PTPRS: variants seen among roughly 807,000 people sequenced by gnomAD.
PTPRS encodes protein tyrosine phosphatase receptor type S, also known as receptor-type tyrosine-protein phosphatase S.
PTPRS carries 63 observed loss-of-function variants against 215.3 expected under a neutral mutation model. The observed-to-expected ratio is 0.29, with a 90% confidence interval of 0.24 to 0.36. The LOEUF is 0.36. Ranked by LOEUF, PTPRS falls within the 10% of genes least tolerant of loss-of-function variation. The pLI, the probability that PTPRS is intolerant of heterozygous loss-of-function variation, is 1.00. For missense variants in PTPRS, 2,258 were observed against 2,825.8 expected, an observed-to-expected ratio of 0.80 and a Z score of 4.56; for synonymous variants, 1,404 against 1,191.4, an observed-to-expected ratio of 1.18 and a Z score of -3.68.
chr19:5,221,258 G>A lies in PTPRS; in HGVS notation c.3202-5C>T, dbSNP rs771986221. The A allele has an allele frequency of 3.0e-5, 48 of 1,609,310 alleles. No individual in the cohort carries two copies. The highest frequency in any genetic ancestry group is 5.0e-5 in the Admixed American group (3 of 59,680). ...TGTGAGCCCATTGTACTGGATCTGC[G>A]GACCAGGGCTAGCTCAGCAGGGCCT... On this transcript the variant is annotated splice_polypyrimidine_tract_variant and splice_region_variant and intron_variant, in intron 19 of 37. Coordinates refer to ENST00000262963, the MANE Select transcript of PTPRS (RefSeq NM_002850.4).
chr19:5,326,777 G>A (rs2050179243), intron 1 of PTPRS, among the ~76,000 whole-genome samples: 2 of 76,142 alleles, frequency 2.6e-5, no homozygotes, highest in Admixed American at 2.7e-4. Context: ...AAGAAGGGAA[G>A]AGAAGGAAGG....
chr19:5,224,052 G>A (rs1219074568), intron 17 of PTPRS, among the ~76,000 whole-genome samples: 1 of 151,966 alleles, frequency 6.6e-6, no homozygotes, highest in Non-Finnish European at 1.5e-5. Context: ...GGTGGTGCAC[G>A]CCTGTAATCC....
chr19:5,302,547 T>C (rs879625283), intron 1 of PTPRS, among the ~76,000 whole-genome samples: 5 of 152,222 alleles, frequency 3.3e-5, no homozygotes, highest in Admixed American at 3.3e-4. Context: ...CGCTGGATAC[T>C]GTTGCGAACA....
chr19:5,263,697 C>T (rs1436076634), intron 5 of PTPRS, among the ~76,000 whole-genome samples: 2 of 152,240 alleles, frequency 1.3e-5, no homozygotes, highest in African/African-American at 4.8e-5. Context: ...GACACATCCC[C>T]ACCACGTGTG....
At position 5,299,689 on chromosome 19, in the gene PTPRS, C is replaced by T. The variant is rs58371382; in HGVS notation, c.-94-13455G>A. ...GAGTTTGAGACCAACCTGGCCAACA[C>T]GGTGAAACCCCATCTCTACTAAAAA... On this transcript the variant is annotated intron_variant, in intron 1 of 37. Coordinates refer to ENST00000262963, the MANE Select transcript of PTPRS (RefSeq NM_002850.4). Among the ~76,000 whole-genome samples the T allele has an allele frequency of 7.4e-3, 1,122 of 151,782 alleles. 8 individuals carry two copies. Among genetic ancestry groups the T allele is most frequent in the African/African-American group, 0.024 (995 of 41,378 alleles).
chr19:5,261,928 C>A (rs1188906120), intron 6 of PTPRS, among the ~76,000 whole-genome samples: 5 of 152,196 alleles, frequency 3.3e-5, no homozygotes. Context: ...GAAATCCAGG[C>A]TGGCCTTTGC....
At chr19:5,301,029 C>G (rs2049287306) in intron 1 of PTPRS, among the ~76,000 whole-genome samples, 1 of 152,206 alleles carries the variant, frequency 6.6e-6, no homozygotes, top group Admixed American at 6.5e-5. Flanking sequence ...CATGGAAAGC[C>G]AGAAAGCAAA....
At chr19:5,245,558 G>A (rs2044412001) in intron 10 of PTPRS, among the ~76,000 whole-genome samples, 1 of 152,196 alleles carries the variant, frequency 6.6e-6, no homozygotes, top group African/African-American at 2.4e-5. Context: ...CTCCCAAAGT[G>A]CTGGGATTAC....
intron 1 of PTPRS, among the ~76,000 whole-genome samples, chr19:5,302,824 G>GACCA (rs2147099473): frequency 6.6e-6 from 1 of 151,484 alleles, no homozygotes; most frequent in Admixed American, 6.6e-5. Flanking sequence ...TTGGGAGGTT[G>GACCA]AGGCGGGCGG....
chr19:5,276,838 G>C (rs4807705), intron 2 of PTPRS, among the ~76,000 whole-genome samples: 117,830 of 152,160 alleles, frequency 0.77, 45,763 homozygotes, highest in Admixed American at 0.81. Context: ...CACCAGGCAG[G>C]TGAGTATGCC....
chr19:5,307,810 A>G (rs1359425711), intron 1 of PTPRS, among the ~76,000 whole-genome samples: 1 of 152,224 alleles, frequency 6.6e-6, no homozygotes, highest in Non-Finnish European at 1.5e-5. Flanking sequence ...CATTTTTATC[A>G]TCGCCATATC....
At chr19:5,317,760 C>A (rs192700346) in intron 1 of PTPRS, among the ~76,000 whole-genome samples, 1 of 152,248 alleles carries the variant, frequency 6.6e-6, no homozygotes, top group African/African-American at 2.4e-5. Context: ...TAGTAAGGGG[C>A]CAGGTGCAGT....
rs771853690 is a variant in PTPRS, at chr19:5,220,135, C to T, written c.3569G>A (p.Arg1190Gln). ...GTGCCGCAGGCTGCGCCTCTGTAGC[C>T]GTGAGATGTCCTGGATGAGCTGCGG... is the stretch of plus-strand genomic sequence containing the variant. Reference protein sequence around the residue: ...DLEELIQDISRLQRRSLRHSR... With the variant: ...DLEELIQDISQLQRRSLRHSR... Residue 1190 changes from arginine (R) to glutamine (Q), a missense_variant, in exon 22 of 38, where the codon CGG becomes CAG. Coordinates refer to ENST00000262963, the MANE Select transcript of PTPRS (RefSeq NM_002850.4). The T allele has an allele frequency of 9.9e-6, 16 of 1,612,060 alleles. No homozygotes were observed. The highest frequency in any genetic ancestry group is 1.3e-5 in the Non-Finnish European group (15 of 1,179,262).
Position 5,216,285 on chromosome 19 carries a change from G to A in PTPRS, c.4096+435C>T, listed in dbSNP as rs535019379. Among the ~76,000 whole-genome samples the A allele has an allele frequency of 2.1e-4, 32 of 152,186 alleles. 1 individual carries two copies. Among genetic ancestry groups the A allele is most frequent in the African/African-American group, 6.7e-4 (28 of 41,506 alleles). Reference sequence around the variant, plus strand: ...GGTGTGGGCTCGGTTCTCCCTTCCCGATATCTGGGTCTGCAGAACCCTGAC... The same window carrying A: ...GGTGTGGGCTCGGTTCTCCCTTCCCAATATCTGGGTCTGCAGAACCCTGAC... On this transcript the variant is annotated intron_variant, in intron 26 of 37. Coordinates refer to ENST00000262963, the MANE Select transcript of PTPRS (RefSeq NM_002850.4).
chr19:5,230,210 T>C (rs796211236), intron 14 of PTPRS, among the ~76,000 whole-genome samples: 7 of 152,340 alleles, frequency 4.6e-5, no homozygotes, highest in African/African-American at 1.7e-4. Context: ...AGCTGCTTCA[T>C]TTCTTCTCTG....
At chr19:5,251,440 T>G (rs2045059989) in intron 9 of PTPRS, among the ~76,000 whole-genome samples, 1 of 151,478 alleles carries the variant, frequency 6.6e-6, no homozygotes, top group African/African-American at 2.4e-5. Flanking sequence ...TTTTTTTTTT[T>G]TTTTTGGTAC....
chr19:5,223,725 G>A (rs1374259789), intron 17 of PTPRS, among the ~76,000 whole-genome samples: 9 of 151,600 alleles, frequency 5.9e-5, no homozygotes. Flanking sequence ...ACCACGCCTG[G>A]GTAATTTTGT....
At chr19:5,325,645 C>A (rs1025984628) in intron 1 of PTPRS, among the ~76,000 whole-genome samples, 49 of 152,200 alleles carry the variant, frequency 3.2e-4, no homozygotes, top group Non-Finnish European at 6.8e-4. Context: ...AGGACAGGCC[C>A]CCACCGGCAA....
At chr19:5,263,825 G>A (rs951555284) in intron 5 of PTPRS, among the ~76,000 whole-genome samples, 5 of 152,234 alleles carry the variant, frequency 3.3e-5, no homozygotes, top group African/African-American at 1.2e-4. Context: ...CGAGATGCAG[G>A]CGGACACTTT....
Sources: gnomAD v4.1 joint callset for allele counts (sites outside exome capture counted in the v4.1 genomes callset) on GRCh38, gnomAD v4.1.1 for gene constraint, MANE v1.5 for transcripts, NCBI Gene and HGNC (gene_info 2026-07-23, HGNC 2026-07-21) for gene names.